KIFAP3: variants seen among roughly 807,000 people sequenced by gnomAD.
KIFAP3 encodes kinesin-associated protein 3.
KIFAP3 carries 68 observed loss-of-function variants against 106.5 expected under a neutral mutation model. The ratio of observed to expected loss-of-function variants is 0.64; its 90% confidence interval spans 0.53 to 0.78. The LOEUF is 0.78. Among genes scored for constraint, KIFAP3 ranks in the 30% least tolerant of loss-of-function variants. The pLI is 0.00. For synonymous variants in KIFAP3, 320 were observed against 311.5 expected, an observed-to-expected ratio of 1.03 and a Z score of -0.29; for missense variants, 780 against 941.8, an observed-to-expected ratio of 0.83 and a Z score of 2.25.
chr1:169,998,035 T>C (rs1376663765), intron 10 of KIFAP3, among the ~76,000 whole-genome samples: 3 of 147,736 alleles, frequency 2.0e-5, no homozygotes, highest in Non-Finnish European at 4.5e-5. Flanking sequence ...AATCCCTTAA[T>C]GGAAAAAAAA....
intron 10 of KIFAP3, 116 bp downstream of exon 10, chr1:170,016,346 G>T: frequency 1.3e-6 from 1 of 752,464 alleles, no homozygotes; most frequent in Non-Finnish European, 2.2e-6. Flanking sequence ...TTAGTTTCCA[G>T]TCAAAGAATA....
chr1:169,997,883 GAAA>G, intron 10 of KIFAP3, among the ~76,000 whole-genome samples: 1 of 122,976 alleles, frequency 8.1e-6, no homozygotes, highest in South Asian at 2.5e-4. Context: ...AAAAAAAAAA[GAAA>G]AAAAAAAGGA....
intron 19 of KIFAP3, among the ~76,000 whole-genome samples, chr1:169,926,632 A>C (rs1233750806): frequency 6.6e-6 from 1 of 151,716 alleles, no homozygotes; most frequent in South Asian, 2.1e-4. Flanking sequence ...ATTGAGTTAT[A>C]GTTACATGTA....
In KIFAP3 at chr1:169,957,246, C is replaced by T. The variant is rs528585297; in HGVS notation, c.2174-3136G>A. 1.6e-4 allele frequency among the ~76,000 whole-genome samples: 25 copies of T among 152,268 alleles called. 1 individual carries two copies. In the East Asian group the frequency reaches 4.0e-3, roughly 25 times the overall value. On this transcript the variant is annotated intron_variant, in intron 18 of 19. Transcript: ENST00000361580. ...CAAGGAACTAAAGTATTTCATGGAACATTTAAATGACCAGAGAACAAACAG... is the reference window on the plus strand; with the variant it reads ...CAAGGAACTAAAGTATTTCATGGAATATTTAAATGACCAGAGAACAAACAG...
rs745739531 is a variant in KIFAP3, at chr1:170,055,449, A to G, written c.33-13T>C. 1 of 1,569,242 alleles carries G rather than the reference A, an allele frequency of 6.4e-7. No homozygotes were observed. Among genetic ancestry groups the G allele is most frequent in the South Asian group, 1.2e-5 (1 of 84,874 alleles). On this transcript the variant is annotated splice_polypyrimidine_tract_variant and intron_variant, in intron 1 of 19. Coordinates refer to ENST00000361580, the MANE Select transcript of KIFAP3 (RefSeq NM_014970.4). ...TCCTTTAACTTTCCTATAATACAAA[A>G]TTGAAATGATATAACCAGATTAAAA...
rs749317572 is a variant in KIFAP3, at chr1:169,978,092, C to A, written c.1890G>T (p.Lys630Asn). ...TAAACACTGAAAGGATACGTGTTTCCTTGATTATGACGTCTCTTGTGGCTT... is the reference window on the plus strand; with the variant it reads ...TAAACACTGAAAGGATACGTGTTTCATTGATTATGACGTCTCTTGTGGCTT... Reference protein sequence around the residue: ...FHQATRDVIIKETQAPAYLID... With the variant: ...FHQATRDVIINETQAPAYLID... Residue 630 changes from lysine (K) to asparagine (N), a missense_variant, in exon 16 of 20, where the codon AAG becomes AAT. Transcript: ENST00000361580. 16 of 1,598,458 alleles carry A rather than the reference C, an allele frequency of 1.0e-5. 1 individual carries two copies. In the South Asian group the frequency reaches 1.8e-4, roughly 18 times the overall value.
At chr1:170,021,633 T>C (rs530926297) in intron 9 of KIFAP3, among the ~76,000 whole-genome samples, 1 of 151,838 alleles carries the variant, frequency 6.6e-6, no homozygotes, top group South Asian at 2.1e-4. Flanking sequence ...AGAGATGGTG[T>C]TTCACCATAT....
chr1:169,968,361 C>T (rs188146946), intron 17 of KIFAP3, among the ~76,000 whole-genome samples: 41 of 151,996 alleles, frequency 2.7e-4, no homozygotes, highest in Non-Finnish European at 4.1e-4. Flanking sequence ...TCCGTCACAC[C>T]TTGTATCTGA....
Position 170,031,867 on chromosome 1 carries a change from A to T in KIFAP3, c.841+19T>A. 6.7e-7 allele frequency: 1 copy of T among 1,496,200 alleles called. No homozygotes were observed. The highest frequency in any genetic ancestry group is 1.2e-5 in the South Asian group (1 of 86,906). 92.7% of individuals were successfully genotyped at this position (1,496,200 alleles called of 1,614,324 possible). A position where few individuals can be genotyped will look rare whatever the true frequency, so the allele number is the denominator to read the frequency against. On this transcript the variant is annotated intron_variant, in intron 8 of 19. Coordinates refer to ENST00000361580, the MANE Select transcript of KIFAP3 (RefSeq NM_014970.4). ...GAGTAAGTACTTTGTTGCTTTCCTC[A>T]TTGCTTAGGAATTCATACCTCGTAA...
At chr1:170,020,759 T>C (rs577395346) in intron 9 of KIFAP3, among the ~76,000 whole-genome samples, 1 of 152,314 alleles carries the variant, frequency 6.6e-6, no homozygotes, top group Admixed American at 6.5e-5. Context: ...CAATGCATCT[T>C]TTCAACAAAT....
chr1:169,928,110 T>TC (rs1025713800), intron 19 of KIFAP3, among the ~76,000 whole-genome samples: 3 of 151,070 alleles, frequency 2.0e-5, no homozygotes, highest in African/African-American at 4.9e-5. Flanking sequence ...TCTCTTTTTT[T>TC]TTTCTTTGAG....
chr1:169,951,876 TAATC>T (rs1452858948), intron 19 of KIFAP3, among the ~76,000 whole-genome samples: 1 of 142,616 alleles, frequency 7.0e-6, no homozygotes. Flanking sequence ...GCAGAATAAT[TAATC>T]TTATAAATGC....
chr1:170,030,221 T>C (rs1669330707), intron 8 of KIFAP3, among the ~76,000 whole-genome samples: 1 of 151,670 alleles, frequency 6.6e-6, no homozygotes, highest in African/African-American at 2.4e-5. Context: ...CCAAAACATA[T>C]AAAGAATGGA....
intron 10 of KIFAP3, among the ~76,000 whole-genome samples, chr1:170,011,407 CAA>C (rs1668235509): frequency 6.6e-6 from 1 of 151,656 alleles, no homozygotes; most frequent in African/African-American, 2.4e-5. Flanking sequence ...CAGTAAAATA[CAA>C]AGTGTCCATT....
intron 1 of KIFAP3, among the ~76,000 whole-genome samples, chr1:170,083,899 T>C (rs1170069903): frequency 1.3e-5 from 2 of 152,218 alleles, no homozygotes; most frequent in Non-Finnish European, 2.9e-5. Context: ...TAAAGTTACA[T>C]GAAAATGATG....
intron 12 of KIFAP3, 34 bp downstream of exon 12, chr1:169,984,548 G>T: frequency 2.0e-6 from 2 of 978,680 alleles, no homozygotes; most frequent in Non-Finnish European, 3.2e-6. Flanking sequence ...AATACCATAT[G>T]CTAAAAAAGT....
chr1:170,059,667 G>C (rs1671032093), intron 1 of KIFAP3, among the ~76,000 whole-genome samples: 1 of 152,096 alleles, frequency 6.6e-6, no homozygotes, highest in Admixed American at 6.6e-5. Flanking sequence ...CTCATTTTAT[G>C]AGGCCTGCAT....
chr1:169,968,831 TA>T (rs35315207), intron 17 of KIFAP3, among the ~76,000 whole-genome samples: 38,389 of 146,812 alleles, frequency 0.26, 5,959 homozygotes, highest in East Asian at 0.49. Flanking sequence ...TGTTGCCAAT[TA>T]AAAAAAAAAA....
chr1:169,927,303 T>G (rs1558168404), intron 19 of KIFAP3, among the ~76,000 whole-genome samples: 1 of 152,186 alleles, frequency 6.6e-6, no homozygotes, highest in Non-Finnish European at 1.5e-5. Flanking sequence ...CTATAAGGAT[T>G]GGAGGCACCT....
Sources: gnomAD v4.1 joint callset for allele counts (sites outside exome capture counted in the v4.1 genomes callset) on GRCh38, gnomAD v4.1.1 for gene constraint, MANE v1.5 for transcripts, NCBI Gene and HGNC (gene_info 2026-07-23, HGNC 2026-07-21) for gene names.